MGLL: variants seen among roughly 807,000 people sequenced by gnomAD.
MGLL encodes the protein lysophospholipase homolog.
Under a neutral mutation model 29.1 loss-of-function variants are expected in MGLL, and 7 were observed. The observed-to-expected ratio is 0.24, with a 90% CI of 0.14 to 0.45. The LOEUF (loss-of-function observed/expected upper bound fraction) is 0.45, where lower values mean the gene tolerates loss of function less well. Among genes scored for constraint, MGLL ranks in the 20% least tolerant of loss-of-function variants. The pLI is 0.99. For missense variants in MGLL, 356 were observed against 413.6 expected (o/e 0.86, Z 1.21); for synonymous variants, 148 against 168.3 (o/e 0.88, Z 0.93).
chr3:127,784,576 C>T (rs996674136), intron 2 of MGLL, among the ~76,000 whole-genome samples: 1 of 152,160 alleles, frequency 6.6e-6, no homozygotes, highest in Non-Finnish European at 1.5e-5. Context: ...CCACCCTTCT[C>T]TCTGCACAGG....
At chr3:127,693,335 CG>C (rs1553752041) in intron 7 of MGLL, among the ~76,000 whole-genome samples, 1 of 152,150 alleles carries the variant, frequency 6.6e-6, no homozygotes, top group African/African-American at 2.4e-5. Context: ...CCCAAGGCCA[CG>C]GGGGGATGCT....
chr3:127,808,271 C>T (rs1239245416), intron 2 of MGLL, among the ~76,000 whole-genome samples: 1 of 152,176 alleles, frequency 6.6e-6, no homozygotes, highest in African/African-American at 2.4e-5. Flanking sequence ...GGCAACATGA[C>T]CAGGAACTGG....
At chr3:127,767,029 C>T (rs1031839610) in intron 3 of MGLL, among the ~76,000 whole-genome samples, 1 of 152,026 alleles carries the variant, frequency 6.6e-6, no homozygotes, top group African/African-American at 2.4e-5. Context: ...GCCGAGATTG[C>T]ACCACTGCAC....
chr3:127,792,633 G>A (rs1279340159), intron 2 of MGLL, among the ~76,000 whole-genome samples: 5 of 152,216 alleles, frequency 3.3e-5, no homozygotes, highest in South Asian at 4.2e-4. Flanking sequence ...AACCCGGGAG[G>A]CGGAGGTTGC....
chr3:127,693,808 C>T (rs1559901510), intron 7 of MGLL, among the ~76,000 whole-genome samples: 1 of 152,136 alleles, frequency 6.6e-6, no homozygotes, highest in Non-Finnish European at 1.5e-5. Flanking sequence ...AAACTTAGGG[C>T]CCCATAAATA....
At chr3:127,795,640 A>C (rs1315435142) in intron 2 of MGLL, among the ~76,000 whole-genome samples, 1 of 152,228 alleles carries the variant, frequency 6.6e-6, no homozygotes, top group Non-Finnish European at 1.5e-5. Context: ...GCTTAGAATT[A>C]CCTTAAGTAG....
In MGLL at chr3:127,721,133, C is replaced by A; in HGVS notation, c.430G>T (p.Glu144Ter). 6.2e-7 allele frequency: 1 copy of A among 1,614,246 alleles called. No homozygotes were observed. ...ATGCCGGCGAAGTGGCCCGGCCTCT[C>A]TGCGGCCGTGAGGATGGCGATGGCG... ...GGAIAILTAA[E>*]RPGHFAGMVL... Residue 144 changes from glutamate (E) to a stop codon, truncating the protein, a stop_gained, in exon 5 of 8, where the codon GAG becomes TAG. Transcript: ENST00000265052. LOFTEE classifies it high-confidence loss of function.
chr3:127,762,330 T>C (rs2076779882), intron 3 of MGLL, among the ~76,000 whole-genome samples: 1 of 152,060 alleles, frequency 6.6e-6, no homozygotes, highest in Non-Finnish European at 1.5e-5. Context: ...AGCCATTTCC[T>C]GGTCACATGC....
chr3:127,717,661 G>C (rs1226595088), intron 5 of MGLL, among the ~76,000 whole-genome samples: 3 of 152,184 alleles, frequency 2.0e-5, no homozygotes, highest in Admixed American at 6.5e-5. Context: ...AGGTCATTTA[G>C]AATGATTACT....
intron 3 of MGLL, among the ~76,000 whole-genome samples, chr3:127,780,773 A>G (rs544002087): frequency 6.6e-4 from 101 of 152,344 alleles, no homozygotes; most frequent in Non-Finnish European, 8.2e-4. Flanking sequence ...CCCTCTTTTC[A>G]GAGACATCAC....
chr3:127,815,533 A>G (rs945446076), intron 2 of MGLL, among the ~76,000 whole-genome samples: 1 of 152,168 alleles, frequency 6.6e-6, no homozygotes, highest in African/African-American at 2.4e-5. Flanking sequence ...TTGCGCCTAT[A>G]TTACTATGAA....
intron 2 of MGLL, among the ~76,000 whole-genome samples, chr3:127,806,808 C>CCTGAG (rs930474410): frequency 6.6e-6 from 1 of 152,080 alleles, no homozygotes; most frequent in Non-Finnish European, 1.5e-5. Context: ...GGGTGGATCA[C>CCTGAG]CTGAGCTCAG....
chr3:127,702,285 G>A (rs2075506490), intron 6 of MGLL, among the ~76,000 whole-genome samples: 1 of 152,218 alleles, frequency 6.6e-6, no homozygotes, highest in African/African-American at 2.4e-5. Flanking sequence ...TGGGAACCCT[G>A]AGAAAGTTTG....
intron 3 of MGLL, among the ~76,000 whole-genome samples, chr3:127,724,451 T>A (rs548802588): frequency 6.6e-6 from 1 of 152,382 alleles, no homozygotes; most frequent in Admixed American, 6.5e-5. Context: ...GTTGTGTTTA[T>A]CCATTTGTCT....
At chr3:127,734,873 C>T (rs912816801) in intron 3 of MGLL, among the ~76,000 whole-genome samples, 1 of 152,242 alleles carries the variant, frequency 6.6e-6, no homozygotes, top group African/African-American at 2.4e-5. Flanking sequence ...CAGACACTTC[C>T]TTCCCTTACA....
At chr3:127,775,683 T>C (rs890245854) in intron 3 of MGLL, among the ~76,000 whole-genome samples, 9 of 152,270 alleles carry the variant, frequency 5.9e-5, no homozygotes, top group African/African-American at 2.2e-4. Flanking sequence ...GGTTCGTTTA[T>C]ACTTTGTAAA....
Position 127,822,336 on chromosome 3 carries a change from A to G in MGLL, c.-18T>C, listed in dbSNP as rs746445702. The G allele has an allele frequency of 2.5e-6, 4 of 1,613,798 alleles. No individual in the cohort carries two copies. The highest frequency in any genetic ancestry group is 2.2e-5 in the East Asian group (1 of 44,872). On this transcript the variant is annotated 5_prime_UTR_variant, in exon 1 of 8. It removes an upstream start codon present in the reference 5' UTR. Coordinates refer to ENST00000265052, the MANE Select transcript of MGLL (RefSeq NM_007283.7). ...GTTTCCATTATGTGCTGGCGTTTGC[A>G]TTCCACAACCACGACAGCCTGGAGA...
intron 3 of MGLL, among the ~76,000 whole-genome samples, chr3:127,748,969 T>G (rs979909889): frequency 1.3e-5 from 2 of 152,170 alleles, no homozygotes; most frequent in Admixed American, 1.3e-4. Flanking sequence ...TCAAAACCCT[T>G]GTAGATAGCA....
At chr3:127,796,355 C>T (rs1463490176) in intron 2 of MGLL, among the ~76,000 whole-genome samples, 1 of 152,188 alleles carries the variant, frequency 6.6e-6, no homozygotes. Flanking sequence ...TTCACAATTT[C>T]CCTACAGGAC....
Sources: gnomAD v4.1 joint callset for allele counts (sites outside exome capture counted in the v4.1 genomes callset) on GRCh38, gnomAD v4.1.1 for gene constraint, MANE v1.5 for transcripts, NCBI Gene and HGNC (gene_info 2026-07-23, HGNC 2026-07-21) for gene names.